The following PTPRK variants were observed in gnomAD, a reference collection of about 807,000 sequenced individuals.
The protein encoded by PTPRK is protein tyrosine phosphatase receptor type K, also known as receptor-type tyrosine-protein phosphatase kappa.
A neutral mutation model predicts 178.0 loss-of-function variants in PTPRK; 75 were observed. The ratio of observed to expected loss-of-function variants is 0.42; its 90% CI spans 0.35 to 0.51. The LOEUF (loss-of-function observed/expected upper bound fraction) is 0.51, where lower values mean the gene tolerates loss of function less well. PTPRK is among the 20% of genes least tolerant of loss of function. The pLI, the probability that PTPRK is intolerant of heterozygous loss-of-function variation, is 0.02. For missense variants in PTPRK, 1,441 were observed against 1,797.8 expected, an observed-to-expected ratio of 0.80 and a Z score of 3.59; for synonymous variants, 637 against 620.6, an observed-to-expected ratio of 1.03 and a Z score of -0.39.
Position 128,184,589 on chromosome 6 carries a change from T to A in PTPRK, c.1005A>T (p.Gly335=). 6.2e-7 allele frequency: 1 copy of A among 1,614,038 alleles called. No individual in the cohort carries two copies. Among genetic ancestry groups the A allele is most frequent in the Non-Finnish European group, 8.5e-7 (1 of 1,179,950 alleles). Residue 335 remains glycine, a synonymous_variant, in exon 7 of 30, where the codon GGA becomes GGT. Coordinates refer to ENST00000368226, the MANE Select transcript of PTPRK (RefSeq NM_002844.4). ...LKEVEYRMTS[G]SWTETHAVNA... is the part of the protein sequence containing the mutation. Reference sequence around the variant, plus strand: ...TGACTGCATGGGTTTCTGTCCAGGATCCTGATGTCATTCGGTACTCTACTT... The same window carrying A: ...TGACTGCATGGGTTTCTGTCCAGGAACCTGATGTCATTCGGTACTCTACTT...
At chr6:128,037,096 C>T (rs951347688) in intron 13 of PTPRK, among the ~76,000 whole-genome samples, 2 of 152,138 alleles carry the variant, frequency 1.3e-5, no homozygotes, top group Non-Finnish European at 2.9e-5. Flanking sequence ...CCACCTCCCT[C>T]GCCTTTTTCC....
In PTPRK at chr6:128,291,406, T is replaced by A. The variant is rs1010600217; in HGVS notation, c.495+30633A>T. On this transcript the variant is annotated intron_variant, in intron 3 of 29. Coordinates refer to ENST00000368226, the MANE Select transcript of PTPRK (RefSeq NM_002844.4). ...AGGCTACTGACCTAGAACTGTAAGA[T>A]TATAAATGTAATTTTAAGCCACTAA... Among the ~76,000 whole-genome samples the A allele has an allele frequency of 2.6e-5, 4 of 152,216 alleles. No individual in the cohort carries two copies. The East Asian group carries it at 7.7e-4, about 29-fold the overall frequency.
chr6:128,166,715 C>T lies in PTPRK; in HGVS notation c.1162+17717G>A, dbSNP rs193261596. ...AATTTTTGTTTACTCTCATTATCCC[C>T]CAAGTTCATTTATTTTACCTTTAGT... On this transcript the variant is annotated intron_variant, in intron 7 of 29. Coordinates refer to ENST00000368226, the MANE Select transcript of PTPRK (RefSeq NM_002844.4). 2.2e-3 allele frequency among the ~76,000 whole-genome samples: 340 copies of T among 151,726 alleles called. 3 individuals carry two copies. Among genetic ancestry groups the T allele is most frequent in the African/African-American group, 7.0e-3 (290 of 41,494 alleles).
intron 3 of PTPRK, among the ~76,000 whole-genome samples, chr6:128,257,195 A>T (rs1817476327): frequency 6.6e-6 from 1 of 150,468 alleles, no homozygotes; most frequent in African/African-American, 2.5e-5. Context: ...ACGCCATTGC[A>T]CTCCAGCCTG....
intron 5 of PTPRK, among the ~76,000 whole-genome samples, chr6:128,221,437 T>C (rs1455688059): frequency 6.6e-6 from 1 of 151,162 alleles, no homozygotes; most frequent in African/African-American, 2.4e-5. Context: ...GGCAGGAGAA[T>C]GGTGTGAACC....
At chr6:128,057,900 C>T (rs4897240) in intron 13 of PTPRK, among the ~76,000 whole-genome samples, 130,915 of 152,200 alleles carry the variant, frequency 0.86, 56,481 homozygotes, top group East Asian at 1. Context: ...AGTTATTTTA[C>T]CTCTTTTTTA....
At chr6:127,988,631 A>T (rs548741747) in intron 21 of PTPRK, among the ~76,000 whole-genome samples, 2 of 152,130 alleles carry the variant, frequency 1.3e-5, no homozygotes, top group South Asian at 4.1e-4. Flanking sequence ...CTAGACTAAA[A>T]GTTATATTTT....
intron 8 of PTPRK, among the ~76,000 whole-genome samples, chr6:128,086,632 A>G (rs1785888188): frequency 1.3e-5 from 2 of 152,100 alleles, no homozygotes; most frequent in South Asian, 4.1e-4. Flanking sequence ...GATCATCATA[A>G]TCCATCGATC....
chr6:128,287,066 G>A (rs1339197), intron 3 of PTPRK, among the ~76,000 whole-genome samples: 82,248 of 151,946 alleles, frequency 0.54, 25,443 homozygotes, highest in African/African-American at 0.86. Context: ...CTCTGGAGGT[G>A]TTTCTTTCTG....
At position 128,148,621 on chromosome 6, in the gene PTPRK, G is replaced by C. The variant is rs1346207210; in HGVS notation, c.1162+35811C>G. ...TATTATTCCTTTCCTGAAGAGACTTGATATTCCTTAACAGGTTACAGATAT... is the reference window on the plus strand; with the variant it reads ...TATTATTCCTTTCCTGAAGAGACTTCATATTCCTTAACAGGTTACAGATAT... On this transcript the variant is annotated intron_variant, in intron 7 of 29. Coordinates refer to ENST00000368226, the MANE Select transcript of PTPRK (RefSeq NM_002844.4). Among the ~76,000 whole-genome samples, 5 of 152,040 alleles carry C rather than the reference G, an allele frequency of 3.3e-5. No individual in the cohort carries two copies. The East Asian group carries it at 5.8e-4, about 18-fold the overall frequency.
intron 6 of PTPRK, among the ~76,000 whole-genome samples, chr6:128,186,087 T>G (rs1802719633): frequency 6.6e-6 from 1 of 152,154 alleles, no homozygotes; most frequent in African/African-American, 2.4e-5. Context: ...GAAGATTCTT[T>G]CAAAATTCAT....
chr6:128,480,240 C>G (rs576196584), intron 1 of PTPRK, among the ~76,000 whole-genome samples: 4 of 152,236 alleles, frequency 2.6e-5, no homozygotes, highest in East Asian at 3.9e-4. Context: ...TCCCCTTTCG[C>G]GCTTGTTCTT....
At position 127,983,064 on chromosome 6, in the gene PTPRK, T is replaced by C. The variant is rs1775533146; in HGVS notation, c.3388-84A>G. 2.1e-6 allele frequency: 3 copies of C among 1,423,802 alleles called. No individual in the cohort carries two copies. The East Asian group carries it at 6.9e-5, about 33-fold the overall frequency. The allele number at this position is 1,423,802 out of a possible 1,614,324, so 88.2% of individuals were successfully genotyped here. On this transcript the variant is annotated intron_variant, in intron 23 of 29. Transcript: ENST00000368226. ...CAAAGTTAGGAAATACAGAAAATTT[T>C]CTCTATATGGAAATATGAATTAAAA...
intron 7 of PTPRK, among the ~76,000 whole-genome samples, chr6:128,154,938 A>T (rs1010251541): frequency 6.6e-6 from 1 of 151,756 alleles, no homozygotes. Context: ...GGATCTGAAT[A>T]ATGTCCACAC....
chr6:128,025,562 A>G (rs1034655092), intron 13 of PTPRK, among the ~76,000 whole-genome samples: 1 of 152,246 alleles, frequency 6.6e-6, no homozygotes, highest in Non-Finnish European at 1.5e-5. Context: ...AGGCCACTGC[A>G]GAAAACTGCC....
chr6:128,449,291 C>A (rs997446979), intron 1 of PTPRK, among the ~76,000 whole-genome samples: 9 of 152,166 alleles, frequency 5.9e-5, no homozygotes, highest in Non-Finnish European at 2.9e-5. Flanking sequence ...TTATTTAAAA[C>A]CCTTTTAACA....
At chr6:128,274,869 AAT>A (rs1820467117) in intron 3 of PTPRK, among the ~76,000 whole-genome samples, 1 of 152,034 alleles carries the variant, frequency 6.6e-6, no homozygotes, top group Admixed American at 6.6e-5. Context: ...CCAAAAAAAC[AAT>A]ATAAATTAAA....
At chr6:128,400,407 A>G (rs187515614) in intron 1 of PTPRK, among the ~76,000 whole-genome samples, 1 of 152,332 alleles carries the variant, frequency 6.6e-6, no homozygotes, top group African/African-American at 2.4e-5. Context: ...ATGAGCATCC[A>G]GAATACATAG....
At position 128,190,758 on chromosome 6, in the gene PTPRK, C is replaced by T. The variant is rs543647542; in HGVS notation, c.869-6033G>A. 6.6e-5 allele frequency among the ~76,000 whole-genome samples: 10 copies of T among 152,222 alleles called. No homozygotes were observed. The South Asian group carries it at 2.1e-3, about 32-fold the overall frequency. Reference sequence around the variant, plus strand: ...AGGTGATCTGCCCACCTCAGCCTCCCAAAGTGCTGGGATTACAGTTGTGAG... The same window carrying T: ...AGGTGATCTGCCCACCTCAGCCTCCTAAAGTGCTGGGATTACAGTTGTGAG... On this transcript the variant is annotated intron_variant, in intron 6 of 29. Coordinates refer to ENST00000368226, the MANE Select transcript of PTPRK (RefSeq NM_002844.4).
Sources: gnomAD v4.1 joint callset for allele counts (sites outside exome capture counted in the v4.1 genomes callset) on GRCh38, gnomAD v4.1.1 for gene constraint, MANE v1.5 for transcripts, NCBI Gene and HGNC (gene_info 2026-07-23, HGNC 2026-07-21) for gene names.